TENM3: variants seen among roughly 807,000 people sequenced by gnomAD.
TENM3 encodes the protein teneurin-3.
TENM3 carries 63 observed loss-of-function variants against 255.1 expected under a neutral mutation model. The ratio of observed to expected loss-of-function variants is 0.25; its 90% CI spans 0.20 to 0.30. The LOEUF is 0.30. Ranked by LOEUF, TENM3 falls within the 10% of genes least tolerant of loss-of-function variation. TENM3 has a pLI of 1.00. For synonymous variants in TENM3, 1,306 were observed against 1,322.3 expected, an observed-to-expected ratio of 0.99 and a Z score of 0.27; for missense variants, 2,929 against 3,461.1, an observed-to-expected ratio of 0.85 and a Z score of 3.86.
At chr4:181,853,609 A>G in the TENM3 span, among the ~76,000 whole-genome samples, 1 of 152,202 alleles carries the variant, frequency 6.6e-6, no homozygotes, top group South Asian at 2.1e-4. Context: ...TTTTCTGAAT[A>G]AGGGTGGGAA....
the TENM3 span, among the ~76,000 whole-genome samples, chr4:181,489,918 G>GAA: frequency 6.6e-6 from 1 of 152,020 alleles, no homozygotes. Context: ...TTTAGAATAG[G>GAA]TTAAATAAAA....
chr4:182,066,782 G>A, the TENM3 span, among the ~76,000 whole-genome samples: 1 of 151,894 alleles, frequency 6.6e-6, no homozygotes, highest in African/African-American at 2.4e-5. Context: ...GTGGTGGCAG[G>A]CGCCTGTAGT....
At chr4:181,858,805 T>C in the TENM3 span, among the ~76,000 whole-genome samples, 32 of 152,176 alleles carry the variant, frequency 2.1e-4, 1 homozygote, top group South Asian at 6.0e-3. Flanking sequence ...AAGGGAATAG[T>C]GGGAAATGAG....
intron 24 of TENM3, among the ~76,000 whole-genome samples, chr4:182,777,547 C>CTTTTTTTTTTTTTT (rs1157448732): frequency 4.4e-5 from 2 of 45,468 alleles, no homozygotes; most frequent in Non-Finnish European, 7.9e-5. Flanking sequence ...GTGTGTATTT[C>CTTTTTTTTTTTTTT]TTTTTTTTTT....
chr4:182,201,237 C>G (rs746387941), intron 1 of TENM3, among the ~76,000 whole-genome samples: 1 of 152,158 alleles, frequency 6.6e-6, no homozygotes, highest in East Asian at 1.9e-4. Context: ...TGGTGTCTCA[C>G]TCAAGGAACC....
intron 3 of TENM3, among the ~76,000 whole-genome samples, chr4:182,592,128 C>CTTTT (rs77448760): frequency 7.3e-6 from 1 of 137,642 alleles, no homozygotes; most frequent in East Asian, 2.1e-4. Context: ...TTCTTTTCTT[C>CTTTT]TTTTTTTTTT....
rs114750017 is a variant in TENM3 at position 182,407,499 on chromosome 4, A to T, written c.511+60570A>T. On this transcript the variant is annotated intron_variant, in intron 3 of 27. Transcript: ENST00000511685. ...TTAAATAATGTCATTCTAACAAGAAAGAAAATGTCACATTGTTTGTAACTT... is the reference window on the plus strand; with the variant it reads ...TTAAATAATGTCATTCTAACAAGAATGAAAATGTCACATTGTTTGTAACTT... 5.4e-3 allele frequency among the ~76,000 whole-genome samples: 823 copies of T among 152,352 alleles called. 11 individuals carry two copies. The highest frequency in any genetic ancestry group is 0.019 in the African/African-American group (789 of 41,570).
chr4:181,595,128 T>C, the TENM3 span, among the ~76,000 whole-genome samples: 4 of 152,096 alleles, frequency 2.6e-5, no homozygotes, highest in African/African-American at 9.7e-5. Context: ...CCTGCATGAT[T>C]TTCTACTAAA....
At chr4:182,074,764 TCAGG>T in the TENM3 span, among the ~76,000 whole-genome samples, 1 of 152,146 alleles carries the variant, frequency 6.6e-6, no homozygotes, top group East Asian at 1.9e-4. Context: ...GGTCATGTCC[TCAGG>T]CAGATGTTCA....
At chr4:182,716,224 T>C (rs1759155818) in intron 13 of TENM3, among the ~76,000 whole-genome samples, 1 of 152,220 alleles carries the variant, frequency 6.6e-6, no homozygotes, top group South Asian at 2.1e-4. Context: ...AAGATTGCAC[T>C]GAGGAGTTTA....
chr4:182,309,942 A>G (rs967953078), intron 1 of TENM3, among the ~76,000 whole-genome samples: 1 of 152,186 alleles, frequency 6.6e-6, no homozygotes, highest in Non-Finnish European at 1.5e-5. Flanking sequence ...ACTTTATCTC[A>G]TTTAATCTTC....
At chr4:181,470,123 A>AAAAG in the TENM3 span, among the ~76,000 whole-genome samples, 261 of 149,710 alleles carry the variant, frequency 1.7e-3, 7 homozygotes, top group East Asian at 0.022. Flanking sequence ...AAAAAAAAAA[A>AAAAG]AACATTATTC....
At chr4:182,076,453 C>T in the TENM3 span, among the ~76,000 whole-genome samples, 3 of 152,146 alleles carry the variant, frequency 2.0e-5, no homozygotes, top group Admixed American at 6.5e-5. Flanking sequence ...CCACCTGCCT[C>T]GGCCTCCCAA....
At chr4:182,217,218 G>A (rs1294066625) in intron 1 of TENM3, among the ~76,000 whole-genome samples, 4 of 151,254 alleles carry the variant, frequency 2.6e-5, no homozygotes, top group Non-Finnish European at 2.9e-5. Flanking sequence ...ACAGGGTTTC[G>A]TCCTGTTGGC....
intron 13 of TENM3, among the ~76,000 whole-genome samples, chr4:182,728,058 A>T (rs758724879): frequency 7.2e-5 from 11 of 152,090 alleles, no homozygotes; most frequent in African/African-American, 1.2e-4. Context: ...CATGTTGGCC[A>T]GGCTGGTCTC....
the TENM3 span, among the ~76,000 whole-genome samples, chr4:181,487,030 A>G: frequency 2.0e-5 from 3 of 152,242 alleles, no homozygotes; most frequent in South Asian, 2.1e-4. Context: ...ATTGTTTAAA[A>G]TCACAATTAC....
chr4:181,501,195 G>A, the TENM3 span, among the ~76,000 whole-genome samples: 46 of 152,198 alleles, frequency 3.0e-4, no homozygotes, highest in African/African-American at 6.5e-4. Flanking sequence ...TGGTGGTGGC[G>A]GGTGGTGGAG....
chr4:182,770,641 A>G (rs1423664287), intron 22 of TENM3, among the ~76,000 whole-genome samples: 1 of 152,086 alleles, frequency 6.6e-6, no homozygotes, highest in Non-Finnish European at 1.5e-5. Flanking sequence ...GCTCTTCCCC[A>G]GCTATGTCAG....
chr4:182,122,558 T>C, the TENM3 span, among the ~76,000 whole-genome samples: 2 of 152,184 alleles, frequency 1.3e-5, no homozygotes, highest in Non-Finnish European at 2.9e-5. Flanking sequence ...AGGCATCATT[T>C]TTTTCTGAGC....
Sources: gnomAD v4.1 joint callset for allele counts (sites outside exome capture counted in the v4.1 genomes callset) on GRCh38, gnomAD v4.1.1 for gene constraint, MANE v1.5 for transcripts, NCBI Gene and HGNC (gene_info 2026-07-23, HGNC 2026-07-21) for gene names.